MUSK: variants seen among roughly 807,000 people sequenced by gnomAD.
MUSK encodes the protein muscle associated receptor tyrosine kinase.
In MUSK, 55 loss-of-function variants were observed where a neutral mutation model predicts 88.7. The ratio of observed to expected loss-of-function variants is 0.62; its 90% CI spans 0.50 to 0.78. MUSK has a LOEUF of 0.78. MUSK is among the 30% of genes least tolerant of loss of function. The pLI, the probability that MUSK is intolerant of heterozygous loss-of-function variation, is 0.00. For synonymous variants in MUSK, 387 were observed against 391.9 expected (o/e 0.99, Z 0.15); for missense variants, 1,015 against 1,074.3 (o/e 0.94, Z 0.77).
intron 6 of MUSK, among the ~76,000 whole-genome samples, chr9:110,742,579 T>C (rs1344960004): frequency 1.3e-5 from 2 of 152,304 alleles, no homozygotes; most frequent in East Asian, 1.9e-4. Context: ...TTTCAAAAGA[T>C]TCATATGAGG....
intron 5 of MUSK, among the ~76,000 whole-genome samples, chr9:110,723,234 T>TACACACACACACACACAC (rs143582345): frequency 0.019 from 2,823 of 146,616 alleles, 33 homozygotes; most frequent in Non-Finnish European, 0.024. Flanking sequence ...TACATATACA[T>TACACACACACACACACAC]ACACACACAC....
intron 4 of MUSK, among the ~76,000 whole-genome samples, chr9:110,695,829 T>C (rs1306743111): frequency 6.6e-6 from 1 of 152,024 alleles, no homozygotes; most frequent in African/African-American, 2.4e-5. Context: ...TTTTTTTTAA[T>C]GTTGAATCTG....
chr9:110,761,869 C>A (rs188034770), intron 7 of MUSK: 1 of 983,536 alleles, frequency 1.0e-6, no homozygotes, highest in African/African-American at 1.7e-5. Flanking sequence ...CCACCGCGCC[C>A]GGCCCACATC....
Position 110,804,236 on chromosome 9 carries a change from C to T in MUSK, c.*3248C>T, listed in dbSNP as rs1029528965. Among the ~76,000 whole-genome samples the T allele has an allele frequency of 1.3e-4, 19 of 151,988 alleles. No individual in the cohort carries two copies. Among genetic ancestry groups the T allele is most frequent in the Non-Finnish European group, 2.6e-4 (18 of 67,976 alleles). On this transcript the variant is annotated 3_prime_UTR_variant, in exon 15 of 15. Transcript: ENST00000374448. ...TTATAAAAAATGCTGTAATTAACAT[C>T]CTTATTTGTTCATGTCCACATTTCT...
chr9:110,782,536 A>C (rs1022737231), intron 11 of MUSK, among the ~76,000 whole-genome samples: 3 of 152,206 alleles, frequency 2.0e-5, no homozygotes, highest in African/African-American at 7.2e-5. Flanking sequence ...TACCAGTGAA[A>C]TTACACTACC....
At chr9:110,736,057 G>A (rs2077026991) in intron 6 of MUSK, among the ~76,000 whole-genome samples, 1 of 151,988 alleles carries the variant, frequency 6.6e-6, no homozygotes, top group Non-Finnish European at 1.5e-5. Flanking sequence ...AGCACAACAG[G>A]ACAACTATAC....
chr9:110,756,226 T>C lies in MUSK; in HGVS notation c.914-5976T>C, dbSNP rs573058452. ...GAATACTGACTGTCTCCTAGGACAT[T>C]TGGGTTCTTTGGAGGGTCCTTCGGA... On this transcript the variant is annotated intron_variant, in intron 7 of 14. Coordinates refer to ENST00000374448, the MANE Select transcript of MUSK (RefSeq NM_005592.4). Among the ~76,000 whole-genome samples the C allele has an allele frequency of 3.0e-4, 46 of 151,758 alleles. 1 individual carries two copies. Among genetic ancestry groups the C allele is most frequent in the Admixed American group, 2.7e-3 (41 of 15,222 alleles).
intron 5 of MUSK, chr9:110,706,022 T>C: frequency 2.1e-6 from 1 of 467,434 alleles, no homozygotes; most frequent in Non-Finnish European, 4.4e-6. Context: ...TGAATAAATT[T>C]TAGTTTCTTT....
At position 110,669,577 on chromosome 9, in the gene MUSK, A is replaced by G. The variant is rs908933809; in HGVS notation, c.79+594A>G. On this transcript the variant is annotated intron_variant, in intron 1 of 14. Transcript: ENST00000374448. Reference sequence around the variant, plus strand: ...ATGATTTGGCTTGGCAAGAGACTGCAAAAGTTTTTTTCAGAGCCTTTGGAA... The same window carrying G: ...ATGATTTGGCTTGGCAAGAGACTGCGAAAGTTTTTTTCAGAGCCTTTGGAA... Among the ~76,000 whole-genome samples the G allele has an allele frequency of 4.6e-5, 7 of 152,306 alleles. No individual in the cohort carries two copies. The East Asian group carries it at 1.3e-3, about 29-fold the overall frequency.
intron 5 of MUSK, among the ~76,000 whole-genome samples, chr9:110,726,403 A>G (rs1247290753): frequency 1.3e-5 from 2 of 152,098 alleles, no homozygotes; most frequent in African/African-American, 4.8e-5. Flanking sequence ...AGGAAAATTA[A>G]TATTATCTAA....
chr9:110,680,890 T>A (rs1403580634), intron 1 of MUSK, among the ~76,000 whole-genome samples: 2 of 134,420 alleles, frequency 1.5e-5, no homozygotes, highest in Non-Finnish European at 3.1e-5. Context: ...TCCTAACTAT[T>A]CTTTAATAGT....
At chr9:110,744,202 C>T (rs2077142491) in intron 6 of MUSK, among the ~76,000 whole-genome samples, 1 of 152,140 alleles carries the variant, frequency 6.6e-6, no homozygotes, top group African/African-American at 2.4e-5. Context: ...CTCCTAACCT[C>T]GTGATCTGCC....
chr9:110,709,883 G>A (rs983861217), intron 5 of MUSK, among the ~76,000 whole-genome samples: 1 of 152,246 alleles, frequency 6.6e-6, no homozygotes, highest in African/African-American at 2.4e-5. Context: ...AGTGGCTCAC[G>A]CCTGTAATCC....
chr9:110,755,939 T>TATATATGC (rs2077307492), intron 7 of MUSK, among the ~76,000 whole-genome samples: 1 of 71,198 alleles, frequency 1.4e-5, no homozygotes, highest in Non-Finnish European at 2.8e-5. Context: ...TATACATATA[T>TATATATGC]ATATATATAT....
In MUSK at chr9:110,758,668, A is replaced by G. The variant is rs146111353; in HGVS notation, c.914-3534A>G. ...GATAACATGATTCTATATCTAGAAAACCCCATAGTCTCTGCCCAAAAGCTC... is the reference window on the plus strand; with the variant it reads ...GATAACATGATTCTATATCTAGAAAGCCCCATAGTCTCTGCCCAAAAGCTC... On this transcript the variant is annotated intron_variant, in intron 7 of 14. Transcript: ENST00000374448. Among the ~76,000 whole-genome samples, 915 of 152,316 alleles carry G rather than the reference A, an allele frequency of 6.0e-3. 12 individuals are homozygous for G. The highest frequency in any genetic ancestry group is 0.021 in the African/African-American group (868 of 41,576).
intron 7 of MUSK, among the ~76,000 whole-genome samples, chr9:110,755,982 A>ATATATATACATATATATATATACG (rs2077317137): frequency 9.2e-6 from 1 of 108,926 alleles, no homozygotes; most frequent in African/African-American, 3.8e-5. Flanking sequence ...ATATATACAT[A>ATATATATACATATATATATATACG]TATATATATA....
chr9:110,720,036 G>T (rs1271611044), intron 5 of MUSK, among the ~76,000 whole-genome samples: 11 of 151,834 alleles, frequency 7.2e-5, no homozygotes, highest in Admixed American at 7.2e-4. Flanking sequence ...AAAATTATTT[G>T]GACTGAACGA....
At chr9:110,686,709 C>T (rs1473342997) in intron 2 of MUSK, among the ~76,000 whole-genome samples, 2 of 152,132 alleles carry the variant, frequency 1.3e-5, no homozygotes, top group Admixed American at 6.5e-5. Context: ...TTAGTTACTT[C>T]TATAAGTAAT....
chr9:110,785,072 T>C (rs1171694538), intron 12 of MUSK, 56 bp downstream of exon 12: 6 of 1,498,584 alleles, frequency 4.0e-6, no homozygotes, highest in Admixed American at 1.7e-5. Flanking sequence ...CCTTGTGTTT[T>C]ATGGAGTTGG....
Sources: gnomAD v4.1 joint callset for allele counts (sites outside exome capture counted in the v4.1 genomes callset) on GRCh38, gnomAD v4.1.1 for gene constraint, MANE v1.5 for transcripts, NCBI Gene and HGNC (gene_info 2026-07-23, HGNC 2026-07-21) for gene names.